Variants in FBXW4 observed in about 807,000 individuals in gnomAD.
FBXW4 encodes F-box and WD repeat domain containing 4, also known as F-box/WD repeat-containing protein 4.
Under a neutral mutation model 61.8 loss-of-function variants are expected in FBXW4, and 40 were observed. That is an observed-to-expected ratio of 0.65 (90% confidence interval 0.50 to 0.84). The LOEUF (loss-of-function observed/expected upper bound fraction) is 0.84. FBXW4 is among the 40% of genes least tolerant of loss of function. The pLI is 0.00. For missense variants in FBXW4, 672 were observed against 753.8 expected (o/e 0.89, Z 1.27); for synonymous variants, 311 against 313.8 (o/e 0.99, Z 0.10).
At chr10:101,685,302 T>C (rs1382295986) in intron 1 of FBXW4, among the ~76,000 whole-genome samples, 1 of 152,254 alleles carries the variant, frequency 6.6e-6, no homozygotes, top group Non-Finnish European at 1.5e-5. Context: ...AATTTAGTCA[T>C]AAATTCCACA....
At position 101,611,036 on chromosome 10, in the gene FBXW4, G is replaced by A. The variant is rs2063776598; in HGVS notation, c.*255C>T. 2 of 384,474 alleles carry A rather than the reference G, an allele frequency of 5.2e-6. No homozygotes were observed. The highest frequency in any genetic ancestry group is 4.1e-5 in the Admixed American group (1 of 24,168). The allele number at this position is 384,474 out of a possible 1,614,324, so 23.8% of individuals were successfully genotyped here. A position where few individuals can be genotyped will look rare whatever the true frequency, so the allele number is the denominator to read the frequency against. On this transcript the variant is annotated 3_prime_UTR_variant, in exon 9 of 9. Transcript: ENST00000331272. This position sits in a 1 kb window ranked among gnomAD's most constrained non-coding sequence, Gnocchi z 4.9. Reference sequence around the variant, plus strand: ...ATCCTTGCTCTGGCCAAACAGGGACGCAAGGCCCGGGTTCAGCCGCACTCT... The same window carrying A: ...ATCCTTGCTCTGGCCAAACAGGGACACAAGGCCCGGGTTCAGCCGCACTCT...
At chr10:101,682,189 A>T (rs1156586282) in intron 1 of FBXW4, among the ~76,000 whole-genome samples, 1 of 152,244 alleles carries the variant, frequency 6.6e-6, no homozygotes, top group Non-Finnish European at 1.5e-5. Context: ...TAGTTTAGTT[A>T]TAACTATTAG....
chr10:101,612,416 T>A lies in FBXW4; in HGVS notation c.1363A>T (p.Met455Leu). 3 of 1,599,176 alleles carry A rather than the reference T, an allele frequency of 1.9e-6. No homozygotes were observed. Among genetic ancestry groups the A allele is most frequent in the Non-Finnish European group, 2.6e-6 (3 of 1,172,536 alleles). ...FPPGAGVLDV[M>L]YESPFTLLSC... ...AGCAGTGTGAAAGGGGACTCATACA[T>A]GACATCCAGCACCCCAGCCCCTGGG... Residue 455 changes from methionine to leucine, a missense_variant, in exon 7 of 9, where the codon ATG becomes TTG. By Grantham distance (15) the Met-to-Leu change is conservative. Around this residue, in one of 5 missense-constraint regions of FBXW4, gnomAD observed 312 missense variants for 370.1 expected, o/e 0.84. Transcript: ENST00000331272.
At chr10:101,641,609 T>C (rs2064053701) in intron 5 of FBXW4, among the ~76,000 whole-genome samples, 1 of 144,088 alleles carries the variant, frequency 6.9e-6, no homozygotes, top group Non-Finnish European at 1.5e-5. Context: ...AAAATTCACA[T>C]AGTGCATGTA....
At chr10:101,647,778 T>C (rs1424070199) in intron 5 of FBXW4, among the ~76,000 whole-genome samples, 1 of 152,186 alleles carries the variant, frequency 6.6e-6, no homozygotes, top group African/African-American at 2.4e-5. Context: ...AATGGCTGGG[T>C]GACCCATCTT....
chr10:101,650,701 A>T (rs1589759860), intron 5 of FBXW4, among the ~76,000 whole-genome samples: 1 of 151,928 alleles, frequency 6.6e-6, no homozygotes, highest in African/African-American at 2.4e-5. Context: ...ATCTCATCCT[A>T]CCTCTCAAAT....
intron 5 of FBXW4, among the ~76,000 whole-genome samples, chr10:101,629,440 C>T (rs978003056): frequency 1.3e-5 from 2 of 152,082 alleles, no homozygotes; most frequent in African/African-American, 2.4e-5. Flanking sequence ...CGCACCACCA[C>T]GCCTGGCTAA....
In FBXW4 at chr10:101,611,427, AG is replaced by A; in HGVS notation, c.1585-18del. 6.2e-7 allele frequency: 1 copy of A among 1,610,774 alleles called. No individual in the cohort carries two copies. The highest frequency in any genetic ancestry group is 8.5e-7 in the Non-Finnish European group (1 of 1,178,362). ...CGGGAAGGCCTGGAAGGGAGGGCACAGGAAGTGGTAAGAGCTTTCCAAGTGG... is the reference window on the plus strand; with the variant it reads ...CGGGAAGGCCTGGAAGGGAGGGCACAGAAGTGGTAAGAGCTTTCCAAGTGG... On this transcript the variant is annotated intron_variant, in intron 8 of 8. Coordinates refer to ENST00000331272, the MANE Select transcript of FBXW4 (RefSeq NM_022039.4). The surrounding 1 kb of genome is among the most constrained non-coding windows in gnomAD (Gnocchi z 4.9).
At chr10:101,692,195 C>A (rs1436192774) in intron 1 of FBXW4, among the ~76,000 whole-genome samples, 1 of 151,074 alleles carries the variant, frequency 6.6e-6, no homozygotes, top group African/African-American at 2.4e-5. Context: ...CAAAAAGTAA[C>A]AATATTTAAA....
intron 5 of FBXW4, among the ~76,000 whole-genome samples, chr10:101,635,125 A>T (rs971037523): frequency 2.7e-5 from 4 of 149,194 alleles, no homozygotes; most frequent in African/African-American, 1.0e-4. Context: ...CTCCTGTTAG[A>T]TCAGGGGTAG....
intron 1 of FBXW4, among the ~76,000 whole-genome samples, chr10:101,685,322 C>T (rs1454619464): frequency 6.6e-6 from 1 of 152,188 alleles, no homozygotes; most frequent in Non-Finnish European, 1.5e-5. Flanking sequence ...AGGATCAAGT[C>T]TTAAACAACT....
At chr10:101,691,936 T>C (rs971171930) in intron 1 of FBXW4, among the ~76,000 whole-genome samples, 1 of 152,162 alleles carries the variant, frequency 6.6e-6, no homozygotes, top group African/African-American at 2.4e-5. Context: ...CTACATTCAG[T>C]AATACCCAGC....
intron 5 of FBXW4, among the ~76,000 whole-genome samples, chr10:101,636,120 T>C (rs1249196132): frequency 1.3e-5 from 2 of 151,796 alleles, no homozygotes; most frequent in East Asian, 3.9e-4. Context: ...GAGGCTGAGG[T>C]GGGCGGATCA....
Position 101,624,794 on chromosome 10 carries a change from T to A in FBXW4, c.1252A>T (p.Thr418Ser), listed in dbSNP as rs1352096993. Residue 418 changes from threonine to serine, a missense_variant, in exon 6 of 9, where the codon ACG becomes TCG. By Grantham distance (58) the Thr-to-Ser change is moderately conservative. Coordinates refer to ENST00000331272, the MANE Select transcript of FBXW4 (RefSeq NM_022039.4). ...SPLLSSFVTGTACCGHFSPLR... is the reference protein window; with the variant it reads ...SPLLSSFVTGSACCGHFSPLR... ...GGTGAGAAGTGCCCGCAACAAGCCG[T>A]CCCTGTCACAAAAGAGCTGCCAAAC... 3 of 1,614,216 alleles carry A rather than the reference T, an allele frequency of 1.9e-6. No homozygotes were observed. The highest frequency in any genetic ancestry group is 2.2e-5 in the South Asian group (2 of 91,084).
intron 4 of FBXW4, among the ~76,000 whole-genome samples, chr10:101,668,408 G>GT (rs2064327667): frequency 6.6e-6 from 1 of 152,172 alleles, no homozygotes; most frequent in African/African-American, 2.4e-5. Context: ...TCAAGGCATA[G>GT]TATAGGGGGA....
At chr10:101,663,839 A>G (rs977913541) in intron 5 of FBXW4, among the ~76,000 whole-genome samples, 2 of 152,126 alleles carry the variant, frequency 1.3e-5, no homozygotes, top group South Asian at 2.1e-4. Flanking sequence ...CCTTCTATCA[A>G]TCATCCAACA....
intron 5 of FBXW4, among the ~76,000 whole-genome samples, 175 bp downstream of exon 5, chr10:101,667,711 C>T (rs765507652): frequency 2.6e-5 from 4 of 152,120 alleles, no homozygotes; most frequent in Non-Finnish European, 5.9e-5. Flanking sequence ...CTCAATCCCA[C>T]GCATATATGA....
intron 5 of FBXW4, among the ~76,000 whole-genome samples, chr10:101,663,659 CCTT>C (rs1483725027): frequency 1.3e-5 from 2 of 151,966 alleles, no homozygotes; most frequent in Non-Finnish European, 2.9e-5. Flanking sequence ...AAGAGTCTGC[CCTT>C]CTGTGTTACT....
chr10:101,637,327 G>T (rs951912441), intron 5 of FBXW4, among the ~76,000 whole-genome samples: 11 of 142,954 alleles, frequency 7.7e-5, no homozygotes, highest in Non-Finnish European at 1.7e-4. Flanking sequence ...GGGAGGCGGA[G>T]CTTGCAGTGA....
Sources: gnomAD v4.1 joint callset for allele counts (sites outside exome capture counted in the v4.1 genomes callset) on GRCh38, gnomAD v4.1.1 for gene constraint, gnomAD v4.1.1 regional missense constraint, Gnocchi (gnomAD v3.1) non-coding constraint, MANE v1.5 for transcripts, NCBI Gene and HGNC (gene_info 2026-07-23, HGNC 2026-07-21) for gene names.